PTBP3: variants seen among roughly 807,000 people sequenced by gnomAD.
PTBP3 encodes the protein polypyrimidine tract-binding protein 3.
PTBP3 carries 20 observed loss-of-function variants against 58.7 expected under a neutral mutation model. That is an observed-to-expected ratio of 0.34 (90% CI 0.24 to 0.50). The LOEUF (loss-of-function observed/expected upper bound fraction) is 0.50, where lower values mean the gene tolerates loss of function less well. PTBP3 is among the 20% of genes least tolerant of loss of function. The pLI is 0.98. For synonymous variants in PTBP3, 185 were observed against 219.8 expected (o/e 0.84, Z 1.40); for missense variants, 509 against 637.2 (o/e 0.80, Z 2.17).
At chr9:112,318,539 C>A (rs979139820) in intron 1 of PTBP3, among the ~76,000 whole-genome samples, 1 of 152,164 alleles carries the variant, frequency 6.6e-6, no homozygotes, top group East Asian at 1.9e-4. Context: ...GTGGGCAGAT[C>A]ACTTGAGGTC....
At chr9:112,326,026 A>AAACG (rs1323621166) in intron 1 of PTBP3, among the ~76,000 whole-genome samples, 1 of 151,756 alleles carries the variant, frequency 6.6e-6, no homozygotes, top group Non-Finnish European at 1.5e-5. Context: ...TCAAACAAAC[A>AAACG]AAACAGGTAA....
At chr9:112,289,709 G>C (rs1030226197) in intron 2 of PTBP3, among the ~76,000 whole-genome samples, 2 of 152,178 alleles carry the variant, frequency 1.3e-5, no homozygotes, top group Non-Finnish European at 2.9e-5. Flanking sequence ...TTGAGCCTGG[G>C]AGGTCGAGGC....
upstream of PTBP3, among the ~76,000 whole-genome samples, chr9:112,335,984 C>G (rs139536487): frequency 0.021 from 3,160 of 151,986 alleles, 123 homozygotes; most frequent in African/African-American, 0.072. Context: ...AGCAATTCCC[C>G]TGCCTCAGCC....
the PTBP3 span, among the ~76,000 whole-genome samples, chr9:112,365,806 A>G: frequency 1.3e-5 from 2 of 152,192 alleles, no homozygotes; most frequent in East Asian, 1.9e-4. Flanking sequence ...TGATATGGAT[A>G]ATGAAATCCA....
At chr9:112,326,200 T>C (rs113589916) in intron 1 of PTBP3, among the ~76,000 whole-genome samples, 1 of 152,016 alleles carries the variant, frequency 6.6e-6, no homozygotes, top group Admixed American at 6.6e-5. Context: ...CCTTAAGACA[T>C]GTGCATTTCA....
chr9:112,306,781 A>T (rs563746874), intron 1 of PTBP3, among the ~76,000 whole-genome samples: 2 of 151,998 alleles, frequency 1.3e-5, no homozygotes, highest in East Asian at 3.9e-4. Flanking sequence ...ATGCCCGGCT[A>T]ATTTTTGTAT....
chr9:112,230,085 T>A (rs1440485695), intron 10 of PTBP3, among the ~76,000 whole-genome samples: 1 of 152,156 alleles, frequency 6.6e-6, no homozygotes, highest in Non-Finnish European at 1.5e-5. Flanking sequence ...CACACAACTG[T>A]GAATTTACAA....
chr9:112,239,623 C>T (rs900254173), intron 7 of PTBP3, among the ~76,000 whole-genome samples: 1 of 151,692 alleles, frequency 6.6e-6, no homozygotes, highest in African/African-American at 2.4e-5. Flanking sequence ...CCCAGCTACT[C>T]AGGAGGCTGA....
At position 112,297,268 on chromosome 9, in the gene PTBP3, G is replaced by A. The variant is rs529650652; in HGVS notation, c.34+564C>T. On this transcript the variant is annotated intron_variant, in intron 2 of 13. Coordinates refer to ENST00000374257, the MANE Select transcript of PTBP3 (RefSeq NM_001163788.4). ...CCCCCAGGCTGAAGTGCAATGGCAC[G>A]TTTCGGCTCCCTGCCACCTCCGCTT... Among the ~76,000 whole-genome samples the A allele has an allele frequency of 2.6e-5, 4 of 152,210 alleles. No individual in the cohort carries two copies. The South Asian group carries it at 8.3e-4, about 32-fold the overall frequency.
chr9:112,305,702 A>T lies in PTBP3; in HGVS notation c.-51-7786T>A, dbSNP rs185302232. 2.5e-3 allele frequency among the ~76,000 whole-genome samples: 382 copies of T among 152,194 alleles called. 3 individuals carry two copies. The highest frequency in any genetic ancestry group is 8.7e-3 in the African/African-American group (362 of 41,540). ...ACGCCTGTAATCTCAGCACTTTGGG[A>T]GGCCGAGGGGGGCGGATAATGAGGT... On this transcript the variant is annotated intron_variant, in intron 1 of 13. Coordinates refer to ENST00000374257, the MANE Select transcript of PTBP3 (RefSeq NM_001163788.4).
chr9:112,276,466 GATTTGAATT>G lies in PTBP3; in HGVS notation c.35-462_35-454del, dbSNP rs1589854475. Among the ~76,000 whole-genome samples, 24 of 152,092 alleles carry G rather than the reference GATTTGAATT, an allele frequency of 1.6e-4. No homozygotes were observed. The East Asian group carries it at 3.9e-3, about 25-fold the overall frequency. On this transcript the variant is annotated intron_variant, in intron 2 of 13. Coordinates refer to ENST00000374257, the MANE Select transcript of PTBP3 (RefSeq NM_001163788.4). The stretch of plus-strand genomic sequence containing the variant: ...ATTTATCACATCCTAAGGAGATATG[GATTTGAATT>G]GTATATTTATTAAAATAAAGTTTAT...
At chr9:112,314,807 AT>A (rs1162569728) in intron 1 of PTBP3, among the ~76,000 whole-genome samples, 1 of 152,100 alleles carries the variant, frequency 6.6e-6, no homozygotes, top group Non-Finnish European at 1.5e-5. Context: ...GAAAACCTGA[AT>A]TTCAACCAGT....
chr9:112,345,008 C>T, the PTBP3 span, among the ~76,000 whole-genome samples: 16 of 152,000 alleles, frequency 1.1e-4, no homozygotes, highest in Non-Finnish European at 1.6e-4. Flanking sequence ...TGTCACATAC[C>T]TGTAGTCCCA....
At chr9:112,346,914 G>C in the PTBP3 span, among the ~76,000 whole-genome samples, 2 of 152,086 alleles carry the variant, frequency 1.3e-5, no homozygotes, top group Non-Finnish European at 2.9e-5. Context: ...AGTAGAGATG[G>C]AGTTTCGCCA....
intron 1 of PTBP3, among the ~76,000 whole-genome samples, chr9:112,299,673 G>A (rs1452914494): frequency 1.3e-5 from 2 of 152,158 alleles, no homozygotes; most frequent in Non-Finnish European, 2.9e-5. Context: ...CCCATCCATG[G>A]CCATGTGACT....
intron 2 of PTBP3, among the ~76,000 whole-genome samples, chr9:112,292,710 G>T (rs1828493558): frequency 6.6e-6 from 1 of 152,106 alleles, no homozygotes; most frequent in Non-Finnish European, 1.5e-5. Flanking sequence ...ACTTATATGA[G>T]GTATCTAAAA....
At chr9:112,276,845 A>C (rs1357871527) in intron 2 of PTBP3, among the ~76,000 whole-genome samples, 4 of 152,226 alleles carry the variant, frequency 2.6e-5, no homozygotes, top group African/African-American at 7.2e-5. Flanking sequence ...AAGTTTATGC[A>C]AGTAAGATTC....
chr9:112,273,550 A>G (rs541085042), intron 3 of PTBP3, among the ~76,000 whole-genome samples: 8 of 152,348 alleles, frequency 5.3e-5, no homozygotes, highest in African/African-American at 1.9e-4. Flanking sequence ...TATATCTGGA[A>G]TATGATTCTT....
the PTBP3 span, among the ~76,000 whole-genome samples, chr9:112,359,285 T>C: frequency 1.4e-5 from 2 of 147,232 alleles, no homozygotes; most frequent in African/African-American, 5.0e-5. Flanking sequence ...TACTAAAAAA[T>C]AGAAAAAAAA....
Sources: allele counts gnomAD v4.1 joint callset (sites outside exome capture counted in the v4.1 genomes callset), GRCh38; gene constraint gnomAD v4.1.1; transcripts MANE v1.5; gene names NCBI Gene and HGNC (gene_info 2026-07-23, HGNC 2026-07-21).